PPM1D: variants seen among roughly 807,000 people sequenced by gnomAD.
The protein encoded by PPM1D is protein phosphatase 1D.
Under a neutral mutation model 58.3 loss-of-function variants are expected in PPM1D, and 52 were observed. That is an observed-to-expected ratio of 0.89 (90% CI 0.71 to 1.12). The LOEUF is 1.12. Ranked by LOEUF, PPM1D falls within the 50% of genes most tolerant of loss-of-function variation. The pLI is 0.00. For synonymous variants in PPM1D, 278 were observed against 285.1 expected (o/e 0.98, Z 0.25); for missense variants, 564 against 777.2 (o/e 0.73, Z 3.26).
intron 3 of PPM1D, among the ~76,000 whole-genome samples, chr17:60,637,148 A>G (rs1458264389): frequency 2.0e-5 from 3 of 151,564 alleles, no homozygotes; most frequent in Non-Finnish European, 4.4e-5. Flanking sequence ...TTGTATTTTT[A>G]GTAAAGACCT....
chr17:60,636,734 C>G (rs1246420920), intron 3 of PPM1D, among the ~76,000 whole-genome samples: 1 of 151,330 alleles, frequency 6.6e-6, no homozygotes, highest in African/African-American at 2.4e-5. Context: ...CACTCTGTGC[C>G]CTAGGCTAGA....
At chr17:60,618,738 A>G (rs1298220149) in intron 1 of PPM1D, among the ~76,000 whole-genome samples, 1 of 151,948 alleles carries the variant, frequency 6.6e-6, no homozygotes, top group Non-Finnish European at 1.5e-5. Flanking sequence ...TGTTGTTTTT[A>G]TTCTAATAAT....
intron 4 of PPM1D, among the ~76,000 whole-genome samples, chr17:60,654,126 T>G (rs1002864434): frequency 6.6e-6 from 1 of 151,962 alleles, no homozygotes; most frequent in African/African-American, 2.4e-5. Context: ...GGAAAGACCT[T>G]CAATTTTTTT....
chr17:60,610,052 C>T (rs533906848), intron 1 of PPM1D, among the ~76,000 whole-genome samples: 1 of 151,936 alleles, frequency 6.6e-6, no homozygotes, highest in Non-Finnish European at 1.5e-5. Flanking sequence ...TGGTGGTGCG[C>T]ACCTGTAGTC....
At chr17:60,630,888 T>C (rs1290365827) in intron 2 of PPM1D, among the ~76,000 whole-genome samples, 2 of 152,252 alleles carry the variant, frequency 1.3e-5, no homozygotes, top group African/African-American at 2.4e-5. Context: ...TGGCATCTTA[T>C]AACTCTTGTG....
At chr17:60,617,998 C>A (rs1054147082) in intron 1 of PPM1D, among the ~76,000 whole-genome samples, 4 of 152,142 alleles carry the variant, frequency 2.6e-5, no homozygotes, top group Admixed American at 2.6e-4. Context: ...ATAGTTTCAC[C>A]ACTTTTCTCT....
intron 4 of PPM1D, among the ~76,000 whole-genome samples, chr17:60,654,240 C>T (rs184252629): frequency 7.1e-4 from 106 of 149,236 alleles, no homozygotes; most frequent in African/African-American, 2.2e-3. Flanking sequence ...TTCAATTTTA[C>T]GAAATGCTTT....
chr17:60,650,414 G>T (rs574179134), intron 4 of PPM1D, among the ~76,000 whole-genome samples: 1 of 152,138 alleles, frequency 6.6e-6, no homozygotes, highest in Non-Finnish European at 1.5e-5. Flanking sequence ...AGCCAGACGT[G>T]GTGACTCGCA....
chr17:60,647,639 AG>A (rs1463003438), intron 3 of PPM1D, among the ~76,000 whole-genome samples: 1 of 152,214 alleles, frequency 6.6e-6, no homozygotes, highest in Non-Finnish European at 1.5e-5. Flanking sequence ...TACATTTTAA[AG>A]GGAATACTTT....
At chr17:60,624,478 A>G (rs1258539202) in intron 2 of PPM1D, among the ~76,000 whole-genome samples, 1 of 152,158 alleles carries the variant, frequency 6.6e-6, no homozygotes, top group African/African-American at 2.4e-5. Context: ...CAGAGAAACG[A>G]CAAACTAAGG....
chr17:60,657,610 T>C (rs1037516625), intron 5 of PPM1D, among the ~76,000 whole-genome samples: 3 of 152,218 alleles, frequency 2.0e-5, no homozygotes, highest in African/African-American at 7.2e-5. Context: ...CAAAGGCCTT[T>C]AATTTTGGGC....
intron 1 of PPM1D, among the ~76,000 whole-genome samples, chr17:60,611,164 A>C (rs748056119): frequency 1.1e-4 from 16 of 151,202 alleles, no homozygotes; most frequent in Non-Finnish European, 1.8e-4. Flanking sequence ...TGGGATTACA[A>C]GCATGCACCA....
At chr17:60,613,890 G>GCCCCCCCCCCCC (rs61669650) in intron 1 of PPM1D, among the ~76,000 whole-genome samples, 5 of 137,368 alleles carry the variant, frequency 3.6e-5, no homozygotes, top group Admixed American at 7.0e-5. Flanking sequence ...CATACCTGAG[G>GCCCCCCCCCCCC]CCCCCCCCCC....
chr17:60,656,545 G>A, intron 4 of PPM1D, 54 bp from the exon 5 acceptor site: 1 of 1,590,164 alleles, frequency 6.3e-7, no homozygotes, highest in Non-Finnish European at 8.6e-7. Flanking sequence ...AGATACAGAT[G>A]TAGTGGCAGC....
chr17:60,640,206 G>C (rs1166814884), intron 3 of PPM1D, among the ~76,000 whole-genome samples: 1 of 152,152 alleles, frequency 6.6e-6, no homozygotes, highest in Non-Finnish European at 1.5e-5. Flanking sequence ...AGTTACTCAG[G>C]AGGCTTTGGT....
rs145865651 is a variant in PPM1D, at chr17:60,622,472, G to C, written c.473-1049G>C. Among the ~76,000 whole-genome samples the C allele has an allele frequency of 7.6e-3, 1,150 of 152,206 alleles. 10 individuals are homozygous for C. Among genetic ancestry groups the C allele is most frequent in the African/African-American group, 0.026 (1,093 of 41,528 alleles). Reference sequence around the variant, plus strand: ...CATCATGAACTATAAGTTGCAGTTTGTTTAGTGTTACATAATACTTCAGAA... The same window carrying C: ...CATCATGAACTATAAGTTGCAGTTTCTTTAGTGTTACATAATACTTCAGAA... On this transcript the variant is annotated intron_variant, in intron 1 of 5. Coordinates refer to ENST00000305921, the MANE Select transcript of PPM1D (RefSeq NM_003620.4).
chr17:60,634,529 T>A (rs1260547883), intron 3 of PPM1D, among the ~76,000 whole-genome samples: 1 of 152,230 alleles, frequency 6.6e-6, no homozygotes, highest in African/African-American at 2.4e-5. Flanking sequence ...TATCTAGGCT[T>A]AATGTTACCC....
At chr17:60,634,821 T>C (rs978232949) in intron 3 of PPM1D, among the ~76,000 whole-genome samples, 2 of 152,148 alleles carry the variant, frequency 1.3e-5, no homozygotes, top group Non-Finnish European at 2.9e-5. Context: ...TGTTTTGTTA[T>C]TCAGCCTGGA....
At chr17:60,649,123 A>G (rs546494293) in intron 4 of PPM1D, among the ~76,000 whole-genome samples, 4 of 150,978 alleles carry the variant, frequency 2.6e-5, no homozygotes, top group Non-Finnish European at 4.4e-5. Flanking sequence ...AGGTGTCACT[A>G]TGTTGCCCAG....
Sources: gnomAD v4.1 joint callset for allele counts (sites outside exome capture counted in the v4.1 genomes callset) on GRCh38, gnomAD v4.1.1 for gene constraint, MANE v1.5 for transcripts, NCBI Gene and HGNC (gene_info 2026-07-23, HGNC 2026-07-21) for gene names.